TEK: variants seen among roughly 807,000 people sequenced by gnomAD.
The protein encoded by TEK is angiopoietin-1 receptor.
TEK carries 43 observed loss-of-function variants against 131.8 expected under a neutral mutation model. The observed-to-expected ratio is 0.33, with a 90% CI of 0.26 to 0.42. The LOEUF (loss-of-function observed/expected upper bound fraction) is 0.42. Among genes scored for constraint, TEK ranks in the 10% least tolerant of loss-of-function variants. TEK has a pLI of 1.00. For synonymous variants in TEK, 580 were observed against 491.6 expected, an observed-to-expected ratio of 1.18 and a Z score of -2.38; for missense variants, 1,162 against 1,384.4, an observed-to-expected ratio of 0.84 and a Z score of 2.55.
chr9:27,191,534 A>G (rs1044428212), intron 10 of TEK, among the ~76,000 whole-genome samples: 3 of 151,986 alleles, frequency 2.0e-5, no homozygotes, highest in Admixed American at 1.3e-4. Flanking sequence ...TACTATGCCT[A>G]TGATTTCCTT....
intron 6 of TEK, among the ~76,000 whole-genome samples, chr9:27,177,375 T>C (rs1039814964): frequency 6.6e-6 from 1 of 152,198 alleles, no homozygotes; most frequent in Non-Finnish European, 1.5e-5. Context: ...GATATCTCAT[T>C]GTGGTTTTGA....
At chr9:27,113,404 C>G (rs1821424481) in intron 1 of TEK, among the ~76,000 whole-genome samples, 1 of 152,070 alleles carries the variant, frequency 6.6e-6, no homozygotes, top group Non-Finnish European at 1.5e-5. Context: ...TCCTAGCCAA[C>G]ATGGTGAAAC....
intron 15 of TEK, among the ~76,000 whole-genome samples, chr9:27,207,179 T>A (rs768248368): frequency 1.3e-5 from 2 of 152,258 alleles, no homozygotes; most frequent in Non-Finnish European, 2.9e-5. Context: ...TGACTCAGTC[T>A]AGGGCAGGGC....
At chr9:27,204,817 G>C (rs1825345656) in intron 13 of TEK, 94 bp from the exon 14 acceptor site, 1 of 1,559,172 alleles carries the variant, frequency 6.4e-7, no homozygotes, top group East Asian at 2.3e-5. Context: ...CTGCTGTTAA[G>C]TTCCCATTAC....
intron 1 of TEK, among the ~76,000 whole-genome samples, chr9:27,138,857 C>A (rs956080347): frequency 7.2e-5 from 11 of 152,024 alleles, no homozygotes; most frequent in African/African-American, 2.2e-4. Context: ...GGAACCAATC[C>A]CCTGTGTGTA....
intron 9 of TEK, among the ~76,000 whole-genome samples, chr9:27,189,782 T>A (rs1185908089): frequency 6.6e-6 from 1 of 152,114 alleles, no homozygotes; most frequent in East Asian, 1.9e-4. Flanking sequence ...TGCCTTAATT[T>A]TAGCACAGTG....
At chr9:27,181,681 T>C (rs1824381071) in intron 7 of TEK, among the ~76,000 whole-genome samples, 2 of 152,352 alleles carry the variant, frequency 1.3e-5, no homozygotes, top group East Asian at 1.9e-4. Flanking sequence ...GCTTTTGTAC[T>C]ACAAGGGCAG....
chr9:27,192,806 T>C (rs1194540458), intron 11 of TEK, among the ~76,000 whole-genome samples, 183 bp downstream of exon 11: 1 of 152,110 alleles, frequency 6.6e-6, no homozygotes, highest in Non-Finnish European at 1.5e-5. Flanking sequence ...AGCCAAACTG[T>C]TCCTTTATTT....
chr9:27,203,615 A>T (rs1384870423), intron 13 of TEK, among the ~76,000 whole-genome samples: 1 of 152,138 alleles, frequency 6.6e-6, no homozygotes, highest in Non-Finnish European at 1.5e-5. Context: ...CTAGATAGAG[A>T]TCCTCTCTGG....
Position 27,173,342 on chromosome 9 carries a change from A to C in TEK, c.881A>C (p.Lys294Thr). 2 of 1,613,964 alleles carry C rather than the reference A, an allele frequency of 1.2e-6. No homozygotes were observed. Among genetic ancestry groups the C allele is most frequent in the Non-Finnish European group, 1.7e-6 (2 of 1,179,892 alleles). ...GGGTGTTCCTGTGCCACAGGCTGGA[A>C]GGGTCTGCAGTGCAATGAAGGTATG... is the stretch of plus-strand genomic sequence containing the variant. ...PYGCSCATGW[K>T]GLQCNEACHP... Residue 294 changes from lysine (K) to threonine (T), a missense_variant, in exon 6 of 23, where the codon AAG (lysine) becomes ACG (threonine). Lys to Thr is a moderately conservative substitution (Grantham distance 78). Coordinates refer to ENST00000380036, the MANE Select transcript of TEK (RefSeq NM_000459.5).
rs780344824 is a variant in TEK at position 27,112,190 on chromosome 9, C to T, written c.52+2548C>T. On this transcript the variant is annotated intron_variant, in intron 1 of 22. Transcript: ENST00000380036. ...CTGGGATTACAGGCATGAGCCACCA[C>T]GCCCGCCCTTGTCACTTGACATTTT... is the stretch of plus-strand genomic sequence containing the variant. Among the ~76,000 whole-genome samples, 7 of 152,240 alleles carry T rather than the reference C, an allele frequency of 4.6e-5. No individual in the cohort carries two copies. The East Asian group carries it at 5.8e-4, about 13-fold the overall frequency.
chr9:27,227,013 A>G (rs1826360442), intron 21 of TEK, among the ~76,000 whole-genome samples: 1 of 152,148 alleles, frequency 6.6e-6, no homozygotes, highest in Non-Finnish European at 1.5e-5. Flanking sequence ...ATAGTTGACC[A>G]TCACTAGACA....
intron 1 of TEK, among the ~76,000 whole-genome samples, chr9:27,131,645 TA>T (rs756421404): frequency 7.0e-3 from 960 of 137,916 alleles, no homozygotes; most frequent in Middle Eastern, 0.019. Context: ...CCCCGTCTCT[TA>T]AAAAAAAAAA....
At chr9:27,137,018 C>T (rs1356519627) in intron 1 of TEK, among the ~76,000 whole-genome samples, 1 of 152,110 alleles carries the variant, frequency 6.6e-6, no homozygotes, top group East Asian at 1.9e-4. Flanking sequence ...CGGGTTCAAG[C>T]GATTCTCCTG....
At chr9:27,225,375 C>T (rs1826275731) in intron 21 of TEK, among the ~76,000 whole-genome samples, 1 of 152,168 alleles carries the variant, frequency 6.6e-6, no homozygotes, top group African/African-American at 2.4e-5. Context: ...CAGGATGGTA[C>T]TGGTACTAAA....
intron 19 of TEK, among the ~76,000 whole-genome samples, 176 bp from the exon 20 acceptor site, chr9:27,218,601 C>T (rs1218054979): frequency 6.6e-6 from 1 of 152,082 alleles, no homozygotes; most frequent in East Asian, 1.9e-4. Flanking sequence ...TTGTTGTAAC[C>T]CTTCCATTGA....
chr9:27,135,179 G>A (rs895879143), intron 1 of TEK, among the ~76,000 whole-genome samples: 8 of 151,810 alleles, frequency 5.3e-5, no homozygotes, highest in East Asian at 1.9e-4. Context: ...AGCCGAGATC[G>A]TGCCACTGCA....
intron 21 of TEK, among the ~76,000 whole-genome samples, chr9:27,225,795 C>T (rs1364461468): frequency 1.3e-5 from 2 of 152,140 alleles, no homozygotes; most frequent in African/African-American, 4.8e-5. Context: ...TCAGAGTGAA[C>T]AGGCAACCTA....
rs886867029 is a variant in TEK, at chr9:27,206,467, G to T, written c.2365-115G>T. On this transcript the variant is annotated intron_variant, in intron 14 of 22. Transcript: ENST00000380036. ...AAAACCTATTTCCCTTTCCAGTCTA[G>T]AATTAAATACAGTATTTCTTTTTTC... The T allele has an allele frequency of 2.5e-6, 3 of 1,191,092 alleles. No individual in the cohort carries two copies. The South Asian group carries it at 4.0e-5, about 16-fold the overall frequency. The allele number at this position is 1,191,092 out of a possible 1,614,324, so 73.8% of individuals were successfully genotyped here.
Sources: gnomAD v4.1 joint callset for allele counts (sites outside exome capture counted in the v4.1 genomes callset) on GRCh38, gnomAD v4.1.1 for gene constraint, MANE v1.5 for transcripts, NCBI Gene and HGNC (gene_info 2026-07-23, HGNC 2026-07-21) for gene names.